PHACTR2: variants seen among roughly 807,000 people sequenced by gnomAD.
PHACTR2 encodes chromosome 6 open reading frame 56.
Under a neutral mutation model 76.0 loss-of-function variants are expected in PHACTR2, and 30 were observed. The ratio of observed to expected loss-of-function variants is 0.39; its 90% CI spans 0.30 to 0.54. The LOEUF is 0.54. Ranked by LOEUF, PHACTR2 falls within the 20% of genes least tolerant of loss-of-function variation. The pLI is 0.61. For synonymous variants in PHACTR2, 292 were observed against 292.5 expected (o/e 1.00, Z 0.02); for missense variants, 696 against 781.1 (o/e 0.89, Z 1.30).
intron 2 of PHACTR2, among the ~76,000 whole-genome samples, chr6:143,748,729 C>T (rs1017732321): frequency 2.0e-5 from 3 of 152,186 alleles, no homozygotes; most frequent in East Asian, 1.9e-4. Flanking sequence ...TAATAATATG[C>T]CTGGACGCCA....
intron 2 of PHACTR2, among the ~76,000 whole-genome samples, chr6:143,740,433 A>G (rs766792425): frequency 4.7e-5 from 7 of 148,356 alleles, no homozygotes; most frequent in Non-Finnish European, 8.9e-5. Context: ...TCTATTCAAG[A>G]TGGAGTTGCT....
At chr6:143,693,245 T>C (rs1056037493) in intron 1 of PHACTR2, among the ~76,000 whole-genome samples, 1 of 152,164 alleles carries the variant, frequency 6.6e-6, no homozygotes, top group Non-Finnish European at 1.5e-5. Flanking sequence ...TTGTTTTGTT[T>C]TTATTTTTTT....
chr6:143,715,196 T>A (rs766342887), intron 2 of PHACTR2, among the ~76,000 whole-genome samples: 3 of 152,206 alleles, frequency 2.0e-5, no homozygotes, highest in Non-Finnish European at 4.4e-5. Flanking sequence ...CTCTACAACA[T>A]TTTCCATTAC....
At chr6:143,607,678 C>A (rs1366458924), upstream of PHACTR2, among the ~76,000 whole-genome samples, 1 of 152,138 alleles carries the variant, frequency 6.6e-6, no homozygotes, top group Non-Finnish European at 1.5e-5. Flanking sequence ...ACTCAACTTC[C>A]TAATATTTAT....
At chr6:143,655,902 T>C (rs1776841557) in intron 1 of PHACTR2, among the ~76,000 whole-genome samples, 1 of 152,230 alleles carries the variant, frequency 6.6e-6, no homozygotes. Context: ...TCCTACGAAT[T>C]GCCATGTGAG....
At position 143,550,368 on chromosome 6, in the gene PHACTR2, C is replaced by T. The variant is rs1418172580; in HGVS notation, c.217+13161C>T. On this transcript the variant is annotated intron_variant, in intron 1 of 11. Coordinates refer to the PHACTR2 transcript ENST00000367584. This position sits in a 1 kb window ranked among gnomAD's most constrained non-coding sequence, Gnocchi z 4.8. ...ATGGGCCTGTCAACTATTTTAAGGA[C>T]TGATTCCTTATAGCACTGATGTACC... is the stretch of plus-strand genomic sequence containing the variant. Among the ~76,000 whole-genome samples, 1 of 151,966 alleles carries T rather than the reference C, an allele frequency of 6.6e-6. No homozygotes were observed. Among genetic ancestry groups the T allele is most frequent in the African/African-American group, 2.4e-5 (1 of 41,414 alleles).
In PHACTR2 at chr6:143,765,236, T is replaced by C; in HGVS notation, c.695-25T>C. The C allele has an allele frequency of 1.3e-6, 2 of 1,560,808 alleles. No homozygotes were observed. Among genetic ancestry groups the C allele is most frequent in the Non-Finnish European group, 1.7e-6 (2 of 1,151,794 alleles). ...AAAAAGCATTGTATTCTTTGATTTTTTAATGCAAGGTCTCTCTATTGTAGC... is the reference window on the plus strand; with the variant it reads ...AAAAAGCATTGTATTCTTTGATTTTCTAATGCAAGGTCTCTCTATTGTAGC... On this transcript the variant is annotated intron_variant, in intron 5 of 12. Transcript: ENST00000440869. The surrounding 1 kb of genome is among the most constrained non-coding windows in gnomAD (Gnocchi z 4.1).
intron 10 of PHACTR2, 57 bp from the exon 11 acceptor site, chr6:143,788,716 C>T (rs879688894): frequency 1.3e-6 from 2 of 1,500,086 alleles, no homozygotes; most frequent in African/African-American, 1.4e-5. Flanking sequence ...GAAAACTTGC[C>T]ACCATGAGGC....
intron 1 of PHACTR2, among the ~76,000 whole-genome samples, chr6:143,702,773 C>CTTTTTTTTTTTT (rs1190039194): frequency 2.0e-5 from 2 of 100,136 alleles, no homozygotes; most frequent in African/African-American, 4.2e-5. Context: ...ATATATACAA[C>CTTTTTTTTTTTT]TTTTTTTTTT....
At chr6:143,559,584 T>G (rs77407073) in intron 1 of PHACTR2, among the ~76,000 whole-genome samples, 1,550 of 151,562 alleles carry the variant, frequency 0.01, 19 homozygotes, top group African/African-American at 0.036. Flanking sequence ...AGATAACCCC[T>G]TCTCCTCTTC....
rs757941141 is a variant in PHACTR2 at position 143,654,377 on chromosome 6, A to C, written c.13+46055A>C. ...AAAAATGAAAACATATATTCACCAG[A>C]AACTTGTTTATGAAGTGCAGAGCAG... On this transcript the variant is annotated intron_variant, in intron 1 of 11. Transcript: ENST00000305766. This position sits in a 1 kb window ranked among gnomAD's most constrained non-coding sequence, Gnocchi z 4.6. Among the ~76,000 whole-genome samples, 5 of 152,232 alleles carry C rather than the reference A, an allele frequency of 3.3e-5. No individual in the cohort carries two copies. The highest frequency in any genetic ancestry group is 7.3e-5 in the Non-Finnish European group (5 of 68,046).
chr6:143,655,289 A>G (rs963056037), intron 1 of PHACTR2, among the ~76,000 whole-genome samples: 2 of 152,170 alleles, frequency 1.3e-5, no homozygotes, highest in East Asian at 1.9e-4. Context: ...AAGAAAGTAC[A>G]TTAGTGGTTG....
At chr6:143,704,099 G>GTGTGTGTGTGTCTGTGTGTGTA (rs772005703) in intron 1 of PHACTR2, among the ~76,000 whole-genome samples, 1 of 149,650 alleles carries the variant, frequency 6.7e-6, no homozygotes, top group African/African-American at 2.5e-5. Flanking sequence ...GTGTGTCTGT[G>GTGTGTGTGTGTCTGTGTGTGTA]TGTGTGTGTG....
Position 143,539,739 on chromosome 6 carries a change from G to T in PHACTR2, c.217+2532G>T, listed in dbSNP as rs1466044623. 1.3e-5 allele frequency among the ~76,000 whole-genome samples: 2 copies of T among 152,072 alleles called. No individual in the cohort carries two copies. Among genetic ancestry groups the T allele is most frequent in the Non-Finnish European group, 2.9e-5 (2 of 68,016 alleles). The stretch of plus-strand genomic sequence containing the variant: ...CTGTGGCCTCATCTCAGAATCTCAG[G>T]CCCCACCCTAGGCCTGCTTAACTGA... On this transcript the variant is annotated intron_variant, in intron 1 of 11. Transcript: ENST00000367584. The surrounding 1 kb of genome is among the most constrained non-coding windows in gnomAD (Gnocchi z 4.3).
chr6:143,557,578 C>T lies in PHACTR2; in HGVS notation c.217+20371C>T, dbSNP rs770151163. The T allele has an allele frequency of 2.0e-5, 3 of 152,292 alleles. No individual in the cohort carries two copies. Among genetic ancestry groups the T allele is most frequent in the South Asian group, 2.1e-4 (1 of 4,820 alleles). The allele number at this position is 152,292 out of a possible 1,614,324, so 9.4% of individuals were successfully genotyped here. A position where few individuals can be genotyped will look rare whatever the true frequency, so the allele number is the denominator to read the frequency against. ...CTCACCACACAGGGTCTCGATTTTT[C>T]GAGAACTGACCGGACCATGTGGACC... On this transcript the variant is annotated intron_variant, in intron 1 of 11. Transcript: ENST00000367584. This position sits in a 1 kb window ranked among gnomAD's most constrained non-coding sequence, Gnocchi z 5.5.
intron 1 of PHACTR2, among the ~76,000 whole-genome samples, chr6:143,706,894 C>T (rs1245904461): frequency 6.6e-6 from 1 of 152,204 alleles, no homozygotes; most frequent in Non-Finnish European, 1.5e-5. Context: ...TTCACCCTAA[C>T]CAGTAGTGGG....
At position 143,793,445 on chromosome 6, in the gene PHACTR2, G is replaced by A. The variant is rs927357251; in HGVS notation, c.1845+4535G>A. On this transcript the variant is annotated intron_variant, in intron 11 of 12. Transcript: ENST00000440869. The surrounding 1 kb of genome is among the most constrained non-coding windows in gnomAD (Gnocchi z 4.4). Reference sequence around the variant, plus strand: ...ATCTGAGCCCCAGAGCACAGCCACTGCCCCTCTCTCCTCACACATGGGCCT... The same window carrying A: ...ATCTGAGCCCCAGAGCACAGCCACTACCCCTCTCTCCTCACACATGGGCCT... Among the ~76,000 whole-genome samples, 25 of 152,088 alleles carry A rather than the reference G, an allele frequency of 1.6e-4. No homozygotes were observed. Among genetic ancestry groups the A allele is most frequent in the Admixed American group, 5.9e-4 (9 of 15,270 alleles).
intron 1 of PHACTR2, among the ~76,000 whole-genome samples, chr6:143,559,690 CTTTTTTTTTTTTTTTT>C (rs5880566): frequency 1.0e-3 from 32 of 31,898 alleles, no homozygotes; most frequent in Admixed American, 3.0e-3. Flanking sequence ...TTTTTCTTTT[CTTTTTTTTTTTTTTTT>C]TTTTTTTTTT....
chr6:143,670,573 C>T (rs554438749), intron 1 of PHACTR2, among the ~76,000 whole-genome samples: 21 of 152,082 alleles, frequency 1.4e-4, no homozygotes, highest in African/African-American at 3.9e-4. Context: ...TCTTGGTCTT[C>T]ATGCTTTGTT....
Sources: allele counts gnomAD v4.1 joint callset (sites outside exome capture counted in the v4.1 genomes callset), GRCh38; gene constraint gnomAD v4.1.1; non-coding constraint Gnocchi (gnomAD v3.1); transcripts MANE v1.5; gene names NCBI Gene and HGNC (gene_info 2026-07-23, HGNC 2026-07-21).